PARD3B: variants seen among roughly 807,000 people sequenced by gnomAD.
The protein encoded by PARD3B is par-3 family cell polarity regulator beta, also known as partitioning defective 3 homolog B.
In PARD3B, 103 loss-of-function variants were observed where a neutral mutation model predicts 130.2. The observed-to-expected ratio is 0.79, with a 90% confidence interval of 0.67 to 0.93. The LOEUF (loss-of-function observed/expected upper bound fraction) is 0.93, where lower values mean the gene tolerates loss of function less well. Ranked by LOEUF, PARD3B falls within the 40% of genes least tolerant of loss-of-function variation. The pLI is 0.00. For synonymous variants in PARD3B, 583 were observed against 553.2 expected (o/e 1.05, Z -0.76); for missense variants, 1,609 against 1,499.2 (o/e 1.07, Z -1.21).
chr2:205,596,754 A>C (rs1444918966), intron 22 of PARD3B, among the ~76,000 whole-genome samples: 3 of 152,122 alleles, frequency 2.0e-5, no homozygotes, highest in African/African-American at 7.2e-5. Flanking sequence ...ACCGTAATCC[A>C]AATAAACCCC....
chr2:205,612,117 A>C (rs2055252597), intron 22 of PARD3B, among the ~76,000 whole-genome samples: 1 of 152,192 alleles, frequency 6.6e-6, no homozygotes, highest in African/African-American at 2.4e-5. Flanking sequence ...TTCTTCCTCT[A>C]AGTTCTGTAG....
At chr2:204,719,322 A>G (rs1257806047) in intron 2 of PARD3B, among the ~76,000 whole-genome samples, 1 of 152,240 alleles carries the variant, frequency 6.6e-6, no homozygotes, top group African/African-American at 2.4e-5. Flanking sequence ...CTAGTGGATT[A>G]GCAAACAGTT....
chr2:205,118,269 A>T (rs539893613), intron 6 of PARD3B, among the ~76,000 whole-genome samples: 422 of 152,202 alleles, frequency 2.8e-3, no homozygotes, highest in Non-Finnish European at 5.0e-3. Flanking sequence ...AGGCTTGTTA[A>T]TGTCTTTAGT....
Position 205,366,362 on chromosome 2 carries a change from A to T in PARD3B, c.2631-34651A>T, listed in dbSNP as rs1210886216. 6.6e-6 allele frequency among the ~76,000 whole-genome samples: 1 copy of T among 152,158 alleles called. No individual in the cohort carries two copies. Among genetic ancestry groups the T allele is most frequent in the African/African-American group, 2.4e-5 (1 of 41,442 alleles). ...CTCAAATTTGCTGTGCAGTGCTTAC[A>T]TGGACAGAGGTAAAGAATTTCCTAC... On this transcript the variant is annotated intron_variant, in intron 18 of 22. Transcript: ENST00000406610. This position sits in a 1 kb window ranked among gnomAD's most constrained non-coding sequence, Gnocchi z 5.0.
intron 2 of PARD3B, among the ~76,000 whole-genome samples, chr2:204,772,627 A>G (rs2041436198): frequency 1.3e-5 from 2 of 152,194 alleles, no homozygotes; most frequent in Non-Finnish European, 2.9e-5. Context: ...TCAAGGAAGC[A>G]GTAACAGATA....
At chr2:204,804,998 T>C (rs1221610876) in intron 2 of PARD3B, among the ~76,000 whole-genome samples, 1 of 151,822 alleles carries the variant, frequency 6.6e-6, no homozygotes, top group East Asian at 1.9e-4. Flanking sequence ...TCTACAGCCA[T>C]CTTCAAATAA....
At chr2:204,637,349 G>T (rs1304111537) in intron 1 of PARD3B, among the ~76,000 whole-genome samples, 2 of 152,122 alleles carry the variant, frequency 1.3e-5, no homozygotes, top group African/African-American at 4.8e-5. Flanking sequence ...GAAGTCTTCA[G>T]TTATTGTCCT....
intron 10 of PARD3B, among the ~76,000 whole-genome samples, chr2:205,145,635 C>T (rs917850908): frequency 6.6e-6 from 1 of 152,072 alleles, no homozygotes; most frequent in Non-Finnish European, 1.5e-5. Flanking sequence ...TGCTCCTTTC[C>T]CTCTAGCCCA....
chr2:205,055,373 A>G (rs547555659), intron 4 of PARD3B, among the ~76,000 whole-genome samples: 4 of 152,288 alleles, frequency 2.6e-5, no homozygotes, highest in Admixed American at 2.6e-4. Context: ...CTGGTATGTG[A>G]ATTAATTAAA....
intron 3 of PARD3B, among the ~76,000 whole-genome samples, chr2:204,985,116 T>C (rs1185250904): frequency 6.6e-6 from 1 of 152,132 alleles, no homozygotes; most frequent in Non-Finnish European, 1.5e-5. Context: ...TGTCTCTTTC[T>C]CTTCTTTCCA....
At chr2:205,410,207 G>A (rs1190804054) in intron 19 of PARD3B, among the ~76,000 whole-genome samples, 2 of 152,140 alleles carry the variant, frequency 1.3e-5, no homozygotes, top group Admixed American at 6.6e-5. Context: ...TTTCCTTTGA[G>A]TGTCATGTCA....
intron 16 of PARD3B, among the ~76,000 whole-genome samples, chr2:205,266,329 A>G (rs1321371957): frequency 6.6e-6 from 1 of 152,144 alleles, no homozygotes; most frequent in East Asian, 1.9e-4. Flanking sequence ...ATGCAGTTGT[A>G]TTTTAAGAAG....
chr2:204,558,336 A>G (rs1355581304), intron 1 of PARD3B: 1 of 152,212 alleles, frequency 6.6e-6, no homozygotes, highest in African/African-American at 2.4e-5. Flanking sequence ...CTGATAAGCA[A>G]CTTCAGCAAA....
At chr2:204,927,140 C>G (rs1189635213) in intron 2 of PARD3B, among the ~76,000 whole-genome samples, 1 of 152,000 alleles carries the variant, frequency 6.6e-6, no homozygotes, top group Non-Finnish European at 1.5e-5. Context: ...TTTGGTGATA[C>G]TAAAAAAATA....
Position 204,545,880 on chromosome 2 carries a change from G to C in PARD3B, c.-120G>C. The C allele has an allele frequency of 8.5e-7, 1 of 1,176,200 alleles. No homozygotes were observed. Among genetic ancestry groups the C allele is most frequent in the Non-Finnish European group, 1.1e-6 (1 of 886,836 alleles). The allele number at this position is 1,176,200 out of a possible 1,614,324, so 72.9% of individuals were successfully genotyped here. A position where few individuals can be genotyped will look rare whatever the true frequency, so the allele number is the denominator to read the frequency against. The stretch of plus-strand genomic sequence containing the variant: ...GAGCCTCCGGGCCTCAGGGTGTTCC[G>C]GGGAGCGGCGCCCCGGGTCTCTGGG... On this transcript the variant is annotated 5_prime_UTR_variant, in exon 1 of 23. Coordinates refer to ENST00000406610, the MANE Select transcript of PARD3B (RefSeq NM_001302769.2).
In PARD3B at chr2:205,550,941, G is replaced by GTGTGTGTATATATATATATA. The variant is rs1553542756; in HGVS notation, c.3181-2382_3181-2381insGTGTGTATATATATATATAT. Among the ~76,000 whole-genome samples the GTGTGTGTATATATATATATA allele has an allele frequency of 8.7e-6, 1 of 114,768 alleles. No individual in the cohort carries two copies. The highest frequency in any genetic ancestry group is 3.2e-5 in the African/African-American group (1 of 30,854). The allele number at this position is 114,768 out of a possible 152,430, so 75.3% of individuals were successfully genotyped here. A position where few individuals can be genotyped will look rare whatever the true frequency, so the allele number is the denominator to read the frequency against. On this transcript the variant is annotated intron_variant, in intron 21 of 22. Transcript: ENST00000406610. The surrounding 1 kb of genome is among the most constrained non-coding windows in gnomAD (Gnocchi z 4.5). ...TATAATTATGTGTGTGTGTGTGTGTGTATATATATATGTGTATATATATAT... is the reference window on the plus strand; with the variant it reads ...TATAATTATGTGTGTGTGTGTGTGTGTGTGTGTATATATATATATATATATATATATGTGTATATATATAT...
intron 2 of PARD3B, among the ~76,000 whole-genome samples, chr2:204,829,859 C>T (rs550092135): frequency 1.2e-4 from 18 of 151,930 alleles, no homozygotes; most frequent in Non-Finnish European, 2.2e-4. Flanking sequence ...ATTAGCTGGG[C>T]GTGGTAGTGG....
At chr2:204,913,407 T>C (rs949409709) in intron 2 of PARD3B, among the ~76,000 whole-genome samples, 3 of 152,170 alleles carry the variant, frequency 2.0e-5, no homozygotes, top group Non-Finnish European at 4.4e-5. Context: ...TTTGAGACGA[T>C]TGTGAGATAA....
intron 3 of PARD3B, among the ~76,000 whole-genome samples, chr2:204,996,408 G>C (rs992743695): frequency 1.3e-5 from 2 of 152,180 alleles, no homozygotes; most frequent in African/African-American, 4.8e-5. Flanking sequence ...TCAGGGGTCA[G>C]GGACCCACTT....
Sources: allele counts gnomAD v4.1 joint callset (sites outside exome capture counted in the v4.1 genomes callset), GRCh38; gene constraint gnomAD v4.1.1; non-coding constraint Gnocchi (gnomAD v3.1); transcripts MANE v1.5; gene names NCBI Gene and HGNC (gene_info 2026-07-23, HGNC 2026-07-21).